ZNF541: variants seen among roughly 807,000 people sequenced by gnomAD.
The protein encoded by ZNF541 is zinc finger protein 541.
ZNF541 carries 23 observed loss-of-function variants against 123.5 expected under a neutral mutation model. That is an observed-to-expected ratio of 0.19 (90% CI 0.13 to 0.26). The LOEUF (loss-of-function observed/expected upper bound fraction) is 0.26, where lower values mean the gene tolerates loss of function less well. ZNF541 is among the 10% of genes least tolerant of loss of function. The pLI is 1.00. For synonymous variants in ZNF541, 751 were observed against 754.5 expected (o/e 1.00, Z 0.08); for missense variants, 1,612 against 1,789.9 (o/e 0.90, Z 1.79).
chr19:47,556,550 TCCTCCCA>T (rs1970829047), intron 2 of ZNF541, among the ~76,000 whole-genome samples: 1 of 151,802 alleles, frequency 6.6e-6, no homozygotes, highest in African/African-American at 2.4e-5. Flanking sequence ...GCTCAAGCGA[TCCTCCCA>T]CCTTGGCTTC....
At chr19:47,536,988 C>T (rs1332828500) in intron 9 of ZNF541, among the ~76,000 whole-genome samples, 2 of 152,102 alleles carry the variant, frequency 1.3e-5, no homozygotes, top group African/African-American at 4.8e-5. Flanking sequence ...CAAAAGGCTG[C>T]ATATTGTATG....
chr19:47,552,291 C>T (rs1970630621), intron 3 of ZNF541, among the ~76,000 whole-genome samples: 1 of 152,102 alleles, frequency 6.6e-6, no homozygotes, highest in South Asian at 2.1e-4. Flanking sequence ...TTCTCTGTGG[C>T]TCATGAGATG....
In ZNF541 at chr19:47,555,870, C is replaced by T; in HGVS notation, c.-14G>A. The T allele has an allele frequency of 6.5e-7, 1 of 1,537,102 alleles. No individual in the cohort carries two copies. Among genetic ancestry groups the T allele is most frequent in the Non-Finnish European group, 8.8e-7 (1 of 1,138,096 alleles). ...GTACTGGTCCATGGCTCTCCACTGC[C>T]AGGTCTTGGCCAAAAGCTACTCTCC... On this transcript the variant is annotated 5_prime_UTR_variant, in exon 3 of 17. Transcript: ENST00000391901.
chr19:47,540,969 T>C lies in ZNF541; in HGVS notation c.2404-18A>G, dbSNP rs2031770458. On this transcript the variant is annotated intron_variant, in intron 5 of 16. Coordinates refer to ENST00000391901, the MANE Select transcript of ZNF541 (RefSeq NM_001277075.3). ...TTTCCACCCTGAAGATGAAAATGCA[T>C]CTGAACCAACACATCCAAAATGAAG... The C allele has an allele frequency of 1.3e-6, 2 of 1,549,840 alleles. No individual in the cohort carries two copies. The highest frequency in any genetic ancestry group is 1.7e-6 in the Non-Finnish European group (2 of 1,146,318).
At position 47,548,359 on chromosome 19, in the gene ZNF541, C is replaced by T. The variant is rs1199947512; in HGVS notation, c.548+886G>A. Among the ~76,000 whole-genome samples, 3 of 141,056 alleles carry T rather than the reference C, an allele frequency of 2.1e-5. No homozygotes were observed. In the South Asian group the frequency reaches 6.8e-4, roughly 32 times the overall value. 92.5% of individuals were successfully genotyped at this position (141,056 alleles called of 152,430 possible). On this transcript the variant is annotated intron_variant, in intron 4 of 16. Coordinates refer to ENST00000391901, the MANE Select transcript of ZNF541 (RefSeq NM_001277075.3). ...TCTGGAGGCTGAGGCAGGAGAATCG[C>T]TTGAACCTGGGAGGTGAAGGTTGTA...
intron 7 of ZNF541, 139 bp from the exon 8 acceptor site, chr19:47,540,017 C>T (rs1482523574): frequency 2.8e-6 from 4 of 1,424,802 alleles, no homozygotes; most frequent in Non-Finnish European, 3.7e-6. Flanking sequence ...TGCTGCAGCC[C>T]ATGGCAATGG....
chr19:47,531,505 C>T, intron 12 of ZNF541, 137 bp downstream of exon 12: 1 of 606,076 alleles, frequency 1.6e-6, no homozygotes, highest in Non-Finnish European at 2.8e-6. Flanking sequence ...ACTGCAATCC[C>T]AAAGCCGCTG....
intron 3 of ZNF541, among the ~76,000 whole-genome samples, chr19:47,551,991 G>A (rs750868191): frequency 6.6e-6 from 1 of 152,146 alleles, no homozygotes; most frequent in Non-Finnish European, 1.5e-5. Flanking sequence ...CTGAGTGGCT[G>A]AGATTAGAGG....
intron 2 of ZNF541, among the ~76,000 whole-genome samples, chr19:47,570,576 TAAAAAAAAAAAAA>T (rs35955168): frequency 1.7e-5 from 1 of 58,832 alleles, no homozygotes; most frequent in African/African-American, 6.8e-5. Flanking sequence ...GACTCTGTCC[TAAAAAAAAAAAAA>T]AAAAAAAAAA....
Position 47,545,161 on chromosome 19 carries a change from G to C in ZNF541, c.1368C>G (p.Pro456=). The change falls in exon 5 of 17, where the codon CCC becomes CCG. Residue 456 remains proline, a synonymous_variant. Coordinates refer to ENST00000391901, the MANE Select transcript of ZNF541 (RefSeq NM_001277075.3). This position sits in a 1 kb window ranked among gnomAD's most constrained non-coding sequence, Gnocchi z 7.5. The part of the protein sequence containing the change: ...ESGPGPSSGS[P]SEESPPGPGG... Reference sequence around the variant, plus strand: ...CGGGGCCGGGCGGGGACTCCTCCGAGGGGCTTCCGCTGCTGGGTCCCGGGC... The same window carrying C: ...CGGGGCCGGGCGGGGACTCCTCCGACGGGCTTCCGCTGCTGGGTCCCGGGC... 6.7e-7 allele frequency: 1 copy of C among 1,496,442 alleles called. No individual in the cohort carries two copies. The highest frequency in any genetic ancestry group is 8.9e-7 in the Non-Finnish European group (1 of 1,121,974). The allele number at this position is 1,496,442 out of a possible 1,614,324, so 92.7% of individuals were successfully genotyped here. A position where few individuals can be genotyped will look rare whatever the true frequency, so the allele number is the denominator to read the frequency against.
At chr19:47,535,852 G>A (rs1433407484) in intron 9 of ZNF541, among the ~76,000 whole-genome samples, 2 of 152,132 alleles carry the variant, frequency 1.3e-5, no homozygotes, top group Non-Finnish European at 2.9e-5. Context: ...ACCCAGCGGC[G>A]CTAGAGGAAT....
chr19:47,521,519 C>T lies in ZNF541; in HGVS notation c.3847G>A (p.Ala1283Thr), dbSNP rs1321957007. 22 of 1,551,648 alleles carry T rather than the reference C, an allele frequency of 1.4e-5. No homozygotes were observed. The highest frequency in any genetic ancestry group is 1.7e-4 in the Middle Eastern group (1 of 5,992). The change falls in exon 16 of 17, where the codon GCA becomes ACA. Residue 1283 changes from alanine to threonine, a missense_variant. Ala to Thr is a moderately conservative substitution (Grantham distance 58). Transcript: ENST00000391901. The surrounding 1 kb of genome is among the most constrained non-coding windows in gnomAD (Gnocchi z 4.2). ...SKRTPELLGSAESQGIFPCRE... is the reference protein window; with the variant it reads ...SKRTPELLGSTESQGIFPCRE... ...CATGGAAAAATGCCCTGGCTCTCTG[C>T]ACTTCCCAACAGCTCGGGGGTCCGC...
At position 47,545,291 on chromosome 19, in the gene ZNF541, A is replaced by C. The variant is rs1970288756; in HGVS notation, c.1238T>G (p.Phe413Cys). The C allele has an allele frequency of 6.5e-7, 1 of 1,549,648 alleles. No individual in the cohort carries two copies. Among genetic ancestry groups the C allele is most frequent in the African/African-American group, 1.4e-5 (1 of 73,010 alleles). Residue 413 changes from phenylalanine to cysteine, a missense_variant, in exon 5 of 17, where the codon TTC becomes TGC. Phe to Cys is a radical substitution (Grantham distance 205). Coordinates refer to ENST00000391901, the MANE Select transcript of ZNF541 (RefSeq NM_001277075.3). This position sits in a 1 kb window ranked among gnomAD's most constrained non-coding sequence, Gnocchi z 7.5. ...GCCCGGCAGGTTCCGGAGCCACTGGAAGCTGTGGCTCGATGGCTGGGAACT... is the reference window on the plus strand; with the variant it reads ...GCCCGGCAGGTTCCGGAGCCACTGGCAGCTGTGGCTCGATGGCTGGGAACT... ...PASSQPSSHS[F>C]QWLRNLPGCP...
chr19:47,532,364 C>A, intron 10 of ZNF541, 94 bp from the exon 11 acceptor site: 1 of 1,393,396 alleles, frequency 7.2e-7, no homozygotes, highest in Non-Finnish European at 9.7e-7. Context: ...GCTCTTGGGC[C>A]ACAGCCTGCT....
Position 47,529,366 on chromosome 19 carries a change from C to T in ZNF541, c.3481+211G>A, listed in dbSNP as rs116468347. Among the ~76,000 whole-genome samples, 440 of 152,214 alleles carry T rather than the reference C, an allele frequency of 2.9e-3. 2 individuals carry two copies. The highest frequency in any genetic ancestry group is 9.8e-3 in the African/African-American group (405 of 41,538). On this transcript the variant is annotated intron_variant, in intron 13 of 16. Coordinates refer to ENST00000391901, the MANE Select transcript of ZNF541 (RefSeq NM_001277075.3). ...ATTCCCCTTCCAGCTGGGCAGAGTC[C>T]GTAAGGAAACCACTGGGAAAGGGCG...
chr19:47,523,960 C>T (rs1309506664), intron 14 of ZNF541, among the ~76,000 whole-genome samples: 1 of 152,180 alleles, frequency 6.6e-6, no homozygotes. Context: ...GGCAAAGAGC[C>T]ATCCAAAAGG....
intron 9 of ZNF541, among the ~76,000 whole-genome samples, chr19:47,533,750 G>A (rs1969691421): frequency 6.6e-6 from 1 of 152,088 alleles, no homozygotes; most frequent in Admixed American, 6.6e-5. Flanking sequence ...GGCTGAGGCA[G>A]GAATCACTTG....
At chr19:47,522,302 C>G (rs1340172643) in intron 14 of ZNF541, among the ~76,000 whole-genome samples, 1 of 152,208 alleles carries the variant, frequency 6.6e-6, no homozygotes, top group Non-Finnish European at 1.5e-5. Context: ...ACTGTGACAT[C>G]ATGCTAATAA....
rs1250566336 is a variant in ZNF541 at position 47,544,160 on chromosome 19, G to C, written c.2369C>G (p.Ser790Cys). The C allele has an allele frequency of 6.4e-7, 1 of 1,551,500 alleles. No homozygotes were observed. The highest frequency in any genetic ancestry group is 2.0e-5 in the Admixed American group (1 of 50,982). Residue 790 changes from serine to cysteine, a missense_variant, in exon 5 of 17, where the codon TCC becomes TGC. By Grantham distance (112) the Ser-to-Cys change is moderately radical (BLOSUM62 -1). Coordinates refer to ENST00000391901, the MANE Select transcript of ZNF541 (RefSeq NM_001277075.3). ...GCTGAATATTGTCAGCTTGGACTTG[G>C]AGGGATCTGCCGGGGGCCCGGCCGA... is the stretch of plus-strand genomic sequence containing the variant. ...FSSAGPPADP[S>C]KSKLTIFSRI...
Sources: gnomAD v4.1 joint callset for allele counts (sites outside exome capture counted in the v4.1 genomes callset) on GRCh38, gnomAD v4.1.1 for gene constraint, Gnocchi (gnomAD v3.1) non-coding constraint, MANE v1.5 for transcripts, NCBI Gene and HGNC (gene_info 2026-07-23, HGNC 2026-07-21) for gene names.